ZNF3: variants seen among roughly 807,000 people sequenced by gnomAD.
ZNF3 encodes zinc finger protein 3, also known as C2-H2 type zinc finger protein.
In ZNF3, 16 loss-of-function variants were observed where a neutral mutation model predicts 36.9. That is an observed-to-expected ratio of 0.43 (90% CI 0.29 to 0.66). The LOEUF (loss-of-function observed/expected upper bound fraction) is 0.66, where lower values mean the gene tolerates loss of function less well. Ranked by LOEUF, ZNF3 falls within the 30% of genes least tolerant of loss-of-function variation. The pLI, the probability that ZNF3 is intolerant of heterozygous loss-of-function variation, is 0.13. For synonymous variants in ZNF3, 201 were observed against 201.9 expected (o/e 1.00, Z 0.04); for missense variants, 462 against 543.1 (o/e 0.85, Z 1.48).
chr7:100,068,501 G>T (rs959280640), downstream of ZNF3, among the ~76,000 whole-genome samples: 9 of 151,716 alleles, frequency 5.9e-5, no homozygotes, highest in Admixed American at 5.9e-4. Flanking sequence ...GTGAAATCCC[G>T]TTGTCTATTA....
rs1236837446 is a variant in ZNF3 at position 100,071,202 on chromosome 7, C to G, written c.1282G>C (p.Gly428Arg). Reference protein sequence around the residue: ...HTGEKPLNGIGMSKSSLRVTT... With the variant: ...HTGEKPLNGIRMSKSSLRVTT... ...ACTCTGAGGGAGCTTTTGCTCATGC[C>G]GATCCCATTCAAAGGCTTCTCTCCA... is the stretch of plus-strand genomic sequence containing the variant. Residue 428 changes from glycine (G) to arginine (R), a missense_variant, in exon 6 of 6, where the codon GGC (glycine) becomes CGC (arginine). Gly to Arg is a moderately radical substitution (Grantham distance 125). Transcript: ENST00000299667. 1.2e-6 allele frequency: 2 copies of G among 1,613,528 alleles called. No individual in the cohort carries two copies. Among genetic ancestry groups the G allele is most frequent in the South Asian group, 2.2e-5 (2 of 91,010 alleles).
At chr7:100,082,186 A>G (rs1478336520), upstream of ZNF3, 4 of 152,222 alleles carry the variant, frequency 2.6e-5, no homozygotes, top group Non-Finnish European at 4.4e-5. Context: ...TGTTTCTTGT[A>G]AAAATGCCCC....
Position 100,072,331 on chromosome 7 carries a change from C to T in ZNF3, c.272-119G>A, listed in dbSNP as rs376874055. 2.6e-5 allele frequency: 24 copies of T among 938,472 alleles called. No homozygotes were observed. In the African/African-American group the frequency reaches 3.5e-4, roughly 14 times the overall value. The allele number at this position is 938,472 out of a possible 1,614,324, so 58.1% of individuals were successfully genotyped here. On this transcript the variant is annotated intron_variant, in intron 5 of 5. Transcript: ENST00000299667. ...CCAAAAGCACATGCCTACAAAGAGG[C>T]CTGCCCCACATGTGTGCGGCTAAGG... is the stretch of plus-strand genomic sequence containing the variant.
chr7:100,063,999 T>C, downstream of ZNF3: 1 of 1,614,172 alleles, frequency 6.2e-7, no homozygotes, highest in Non-Finnish European at 8.5e-7. Context: ...CAGTTCCTAC[T>C]AAACCTACCC....
Position 100,072,170 on chromosome 7 carries a change from T to A in ZNF3, c.314A>T (p.Asp105Val), listed in dbSNP as rs1793286357. ...CAGTAGGACCCCATGTGATCTTGTG[T>A]CTTCAGAAATTTCTTGATCATTTTC... ...RTENDQEISEDTRSHGVLLGR... is the reference protein window; with the variant it reads ...RTENDQEISEVTRSHGVLLGR... Residue 105 changes from aspartate to valine, a missense_variant, in exon 6 of 6, where the codon GAC becomes GTC. By Grantham distance (152) the Asp-to-Val change is radical. Transcript: ENST00000299667. 1 of 1,597,394 alleles carries A rather than the reference T, an allele frequency of 6.3e-7. No homozygotes were observed.
chr7:100,071,256 C>T lies in ZNF3; in HGVS notation c.1228G>A (p.Ala410Thr). Residue 410 changes from alanine (A) to threonine (T), a missense_variant, in exon 6 of 6, where the codon GCT becomes ACT. Physicochemically the swap from Ala to Thr is moderately conservative, Grantham distance 58. Transcript: ENST00000299667. ...ECGKAFRYSSALVRHQRIHTG... is the reference protein window; with the variant it reads ...ECGKAFRYSSTLVRHQRIHTG... ...TGAATTCTCTGATGGCGAACAAGAG[C>T]CGAGCTGTACCTGAAGGCTTTCCCA... 1 of 1,614,162 alleles carries T rather than the reference C, an allele frequency of 6.2e-7. No homozygotes were observed. The highest frequency in any genetic ancestry group is 1.1e-5 in the South Asian group (1 of 91,084).
chr7:100,064,229 C>T, exon 6 of ZNF3: 1 of 1,614,130 alleles, frequency 6.2e-7, no homozygotes, highest in Non-Finnish European at 8.5e-7. Flanking sequence ...GGGCAGAGCT[C>T]AGACCTTCTT....
At chr7:100,075,293 G>A (rs750149575) in intron 4 of ZNF3, 32 bp from the exon 5 acceptor site, 39 of 1,613,742 alleles carry the variant, frequency 2.4e-5, no homozygotes, top group Non-Finnish European at 3.3e-5. Flanking sequence ...TGCAATTTCA[G>A]GGTGAGGAAT....
chr7:100,065,395 G>T (rs1451374560), downstream of ZNF3, among the ~76,000 whole-genome samples: 3 of 151,380 alleles, frequency 2.0e-5, no homozygotes, highest in Non-Finnish European at 4.4e-5. Context: ...CTGCACTCCA[G>T]CCTGGGTGAC....
At chr7:100,065,876 C>T (rs1337306082), downstream of ZNF3, among the ~76,000 whole-genome samples, 1 of 147,478 alleles carries the variant, frequency 6.8e-6, no homozygotes, top group African/African-American at 2.5e-5. Flanking sequence ...TATCAGCTGA[C>T]CTGTGTCTGG....
chr7:100,068,137 A>C (rs1396775055), downstream of ZNF3, among the ~76,000 whole-genome samples: 1 of 151,996 alleles, frequency 6.6e-6, no homozygotes, highest in Non-Finnish European at 1.5e-5. Flanking sequence ...CCCAGGCTGG[A>C]GTGCAGCAGC....
rs746368621 is a variant in ZNF3 at position 100,075,564 on chromosome 7, G to A, written c.122C>T (p.Ala41Val). The A allele has an allele frequency of 1.4e-5, 22 of 1,613,968 alleles. No individual in the cohort carries two copies. Among genetic ancestry groups the A allele is most frequent in the African/African-American group, 9.3e-5 (7 of 74,912 alleles). The part of the protein sequence containing the change: ...DSLGDEMLAA[A>V]LLKAKSQELV... ...CACCTGGGACTTGGCCTTTAGGAGC[G>A]CAGCCGCCAACATCTCATCCCCCAG... Residue 41 changes from alanine (A) to valine (V), a missense_variant, in exon 4 of 6, where the codon GCG (alanine) becomes GTG (valine). Transcript: ENST00000299667.
At position 100,071,677 on chromosome 7, in the gene ZNF3, A is replaced by G; in HGVS notation, c.807T>C (p.Ser269=). Residue 269 remains serine (S), a synonymous_variant, in exon 6 of 6, where the codon TCT becomes TCC. Coordinates refer to ENST00000299667, the MANE Select transcript of ZNF3 (RefSeq NM_032924.5). The part of the protein sequence containing the change: ...SDCGKTFSCS[S]ALILHRRIHT... The stretch of plus-strand genomic sequence containing the variant: ...GGATCCTCCGATGCAGAATGAGGGC[A>G]GAGCTACAGCTGAAGGTTTTCCCAC... 1 of 1,610,806 alleles carries G rather than the reference A, an allele frequency of 6.2e-7. No individual in the cohort carries two copies. The highest frequency in any genetic ancestry group is 8.5e-7 in the Non-Finnish European group (1 of 1,179,326).
chr7:100,075,308 A>G (rs1793899186), intron 4 of ZNF3, 47 bp from the exon 5 acceptor site: 19 of 1,613,044 alleles, frequency 1.2e-5, no homozygotes, highest in Non-Finnish European at 1.5e-5. Flanking sequence ...AGGAATGTGA[A>G]TGGCGGCACC....
At chr7:100,068,658 C>A (rs1792766918), downstream of ZNF3, among the ~76,000 whole-genome samples, 1 of 151,490 alleles carries the variant, frequency 6.6e-6, no homozygotes, top group Non-Finnish European at 1.5e-5. Flanking sequence ...AAATGGCAAT[C>A]TATAAAGTAA....
chr7:100,065,272 C>A (rs945014369), downstream of ZNF3, among the ~76,000 whole-genome samples: 2 of 152,044 alleles, frequency 1.3e-5, no homozygotes, highest in African/African-American at 2.4e-5. Flanking sequence ...ACTAAAGATA[C>A]AATTAGCTGA....
chr7:100,077,465 A>G, intron 2 of ZNF3, 32 bp from the exon 3 acceptor site: 12 of 1,574,460 alleles, frequency 7.6e-6, no homozygotes, highest in Non-Finnish European at 7.8e-6. Context: ...GTTCAAAGAT[A>G]ATTCAAAAAA....
At chr7:100,075,374 G>A (rs1400532578) in intron 4 of ZNF3, 113 bp from the exon 5 acceptor site, 2 of 1,580,636 alleles carry the variant, frequency 1.3e-6, no homozygotes, top group Non-Finnish European at 1.7e-6. Flanking sequence ...GAGGAAGGGA[G>A]GACAGGGTGG....
At chr7:100,068,010 G>C (rs1792733167), downstream of ZNF3, among the ~76,000 whole-genome samples, 1 of 152,168 alleles carries the variant, frequency 6.6e-6, no homozygotes, top group African/African-American at 2.4e-5. Context: ...TGAAACTGTA[G>C]AAAGTCCAGG....
Sources: gnomAD v4.1 joint callset for allele counts (sites outside exome capture counted in the v4.1 genomes callset) on GRCh38, gnomAD v4.1.1 for gene constraint, MANE v1.5 for transcripts, NCBI Gene and HGNC (gene_info 2026-07-23, HGNC 2026-07-21) for gene names.